Variants in SLC8A1 observed in about 807,000 individuals in gnomAD.
SLC8A1 encodes the protein solute carrier family 8 member A1.
Under a neutral mutation model 68.3 loss-of-function variants are expected in SLC8A1, and 18 were observed. That is an observed-to-expected ratio of 0.26 (90% CI 0.18 to 0.39). SLC8A1 has a LOEUF of 0.39. Among genes scored for constraint, SLC8A1 ranks in the 10% least tolerant of loss-of-function variants. The probability of loss-of-function intolerance (pLI) is 1.00; values close to 1 mark genes in which losing one functional copy is unlikely to be tolerated. For missense variants in SLC8A1, 985 were observed against 1,156.7 expected, an observed-to-expected ratio of 0.85 and a Z score of 2.15; for synonymous variants, 475 against 415.5, an observed-to-expected ratio of 1.14 and a Z score of -1.74.
chr2:40,153,500 A>G (rs1054297490), intron 6 of SLC8A1, among the ~76,000 whole-genome samples: 15 of 152,208 alleles, frequency 9.9e-5, no homozygotes, highest in Non-Finnish European at 2.1e-4. Context: ...CTCTACACTG[A>G]AACAAGGAAT....
rs1172909749 is a variant in SLC8A1 at position 40,361,887 on chromosome 2, C to CTTTTTTTTTT, written c.1808+66576_1808+66585dup. ...GTCAGATGTTTATATCTTTTCTTTC[C>CTTTTTTTTTT]TTTTTTTTTTTTTTTTTTTTTTTTT... On this transcript the variant is annotated intron_variant, in intron 2 of 7. Transcript: ENST00000406785. Among the ~76,000 whole-genome samples, 177 of 53,134 alleles carry CTTTTTTTTTT rather than the reference C, an allele frequency of 3.3e-3. 34 individuals are homozygous for CTTTTTTTTTT. Among genetic ancestry groups the CTTTTTTTTTT allele is most frequent in the African/African-American group, 5.7e-3 (65 of 11,310 alleles). The allele number at this position is 53,134 out of a possible 152,430, so 34.9% of individuals were successfully genotyped here. A position where few individuals can be genotyped will look rare whatever the true frequency, so the allele number is the denominator to read the frequency against.
chr2:40,452,522 C>T (rs909789319), upstream of SLC8A1, among the ~76,000 whole-genome samples: 1 of 152,200 alleles, frequency 6.6e-6, no homozygotes. Flanking sequence ...TTCTTCTCTT[C>T]CGCAGACAGA....
At chr2:40,172,262 T>C (rs1186853448) in intron 4 of SLC8A1, among the ~76,000 whole-genome samples, 1 of 152,024 alleles carries the variant, frequency 6.6e-6, no homozygotes, top group Non-Finnish European at 1.5e-5. Flanking sequence ...AAAAGAAGGG[T>C]CATGTAAAGT....
At chr2:40,131,212 A>C (rs1397931578) in intron 7 of SLC8A1, among the ~76,000 whole-genome samples, 1 of 152,154 alleles carries the variant, frequency 6.6e-6, no homozygotes, top group East Asian at 1.9e-4. Context: ...TCTAGTAAGT[A>C]GCGGAGGGAG....
chr2:40,197,318 C>A (rs2053239480), intron 2 of SLC8A1, among the ~76,000 whole-genome samples: 1 of 151,980 alleles, frequency 6.6e-6, no homozygotes, highest in African/African-American at 2.4e-5. Flanking sequence ...GCAGAAGTGA[C>A]AGCTGGTGCC....
intron 7 of SLC8A1, among the ~76,000 whole-genome samples, chr2:40,136,067 G>A (rs1207295263): frequency 2.6e-5 from 4 of 152,178 alleles, no homozygotes; most frequent in East Asian, 3.9e-4. Context: ...TGTCCAGGAA[G>A]TAAGCATGGA....
intron 5 of SLC8A1, among the ~76,000 whole-genome samples, chr2:40,161,322 G>A (rs992433661): frequency 1.3e-5 from 2 of 152,164 alleles, no homozygotes; most frequent in Non-Finnish European, 2.9e-5. Flanking sequence ...TCAATGAAAT[G>A]TAGCCAGATA....
chr2:40,329,326 G>T (rs962332895), intron 2 of SLC8A1, among the ~76,000 whole-genome samples: 1 of 152,120 alleles, frequency 6.6e-6, no homozygotes, highest in Non-Finnish European at 1.5e-5. Flanking sequence ...AGCACTGAAT[G>T]GTTAATTTTC....
intron 2 of SLC8A1, among the ~76,000 whole-genome samples, chr2:40,387,828 T>A (rs1684041429): frequency 6.6e-6 from 1 of 151,600 alleles, no homozygotes; most frequent in Non-Finnish European, 1.5e-5. Flanking sequence ...TCCCAGCTAC[T>A]TTGGAGCCTG....
At chr2:40,186,289 C>A (rs2050686776) in intron 2 of SLC8A1, among the ~76,000 whole-genome samples, 2 of 152,284 alleles carry the variant, frequency 1.3e-5, no homozygotes, top group South Asian at 4.1e-4. Context: ...TTTCTTACTA[C>A]CTACAGGAGA....
At chr2:40,289,271 T>TA (rs1553477306) in intron 2 of SLC8A1, among the ~76,000 whole-genome samples, 1 of 152,164 alleles carries the variant, frequency 6.6e-6, no homozygotes, top group African/African-American at 2.4e-5. Context: ...AAAATATTGT[T>TA]AAACTATTTG....
chr2:40,346,904 A>G (rs1669522399), intron 2 of SLC8A1, among the ~76,000 whole-genome samples: 2 of 152,064 alleles, frequency 1.3e-5, no homozygotes, highest in South Asian at 4.1e-4. Context: ...TCTGACTTTT[A>G]CTCCCCTGGG....
At chr2:40,432,526 G>A (rs1021072069) in intron 1 of SLC8A1, among the ~76,000 whole-genome samples, 6 of 149,794 alleles carry the variant, frequency 4.0e-5, no homozygotes, top group Non-Finnish European at 7.4e-5. Context: ...TGAAGGACAC[G>A]AAAGATCAAG....
Position 40,161,694 on chromosome 2 carries a change from G to A in SLC8A1, c.2062-830C>T, listed in dbSNP as rs181076325. Among the ~76,000 whole-genome samples the A allele has an allele frequency of 3.3e-5, 5 of 152,308 alleles. No individual in the cohort carries two copies. The East Asian group carries it at 7.7e-4, about 23-fold the overall frequency. ...AACTAAGTAAGCAGATGGACTGAAA[G>A]CACTACTGCAAGTCATGGCAACTAC... On this transcript the variant is annotated intron_variant, in intron 5 of 7. Coordinates refer to ENST00000406785, the Ensembl canonical transcript of SLC8A1.
chr2:40,451,759 A>T (rs1702553859), intron 1 of SLC8A1, 145 bp downstream of exon 1: 1 of 154,080 alleles, frequency 6.5e-6, no homozygotes, highest in Non-Finnish European at 1.4e-5. Context: ...ACACACACAC[A>T]CACACACACA....
At chr2:40,451,221 T>A (rs1702417979) in intron 1 of SLC8A1, among the ~76,000 whole-genome samples, 1 of 152,082 alleles carries the variant, frequency 6.6e-6, no homozygotes, top group African/African-American at 2.4e-5. Flanking sequence ...AAAGTTCCCT[T>A]CCAATCTCTT....
At chr2:40,376,898 C>T (rs554637299) in intron 2 of SLC8A1, among the ~76,000 whole-genome samples, 13 of 152,152 alleles carry the variant, frequency 8.5e-5, no homozygotes, top group Middle Eastern at 3.4e-3. Context: ...AATTACCATG[C>T]CCTCTATTAT....
intron 1 of SLC8A1, among the ~76,000 whole-genome samples, chr2:40,447,588 T>TAAA (rs139695930): frequency 2.9e-5 from 4 of 139,250 alleles, no homozygotes; most frequent in Non-Finnish European, 4.7e-5. Context: ...CAATCCAAGT[T>TAAA]AAAAAAAAAA....
chr2:40,378,372 A>T (rs754497125), intron 2 of SLC8A1, among the ~76,000 whole-genome samples: 1 of 152,156 alleles, frequency 6.6e-6, no homozygotes, highest in Non-Finnish European at 1.5e-5. Context: ...GAAGAAATGC[A>T]AAGGTTATGT....
Sources: allele counts gnomAD v4.1 joint callset (sites outside exome capture counted in the v4.1 genomes callset), GRCh38; gene constraint gnomAD v4.1.1; transcripts MANE v1.5; gene names NCBI Gene and HGNC (gene_info 2026-07-23, HGNC 2026-07-21).